The following RBFOX1 variants were observed in gnomAD, a reference collection of about 807,000 sequenced individuals.
RBFOX1 encodes RNA binding protein fox-1 homolog 1.
In RBFOX1, 8 loss-of-function variants were observed where a neutral mutation model predicts 57.7. The ratio of observed to expected loss-of-function variants is 0.14; its 90% CI spans 0.08 to 0.25. The LOEUF is 0.25. RBFOX1 is among the 10% of genes least tolerant of loss of function. The pLI is 1.00. For synonymous variants in RBFOX1, 326 were observed against 222.4 expected (o/e 1.47, Z -4.15); for missense variants, 611 against 548.5 (o/e 1.11, Z -1.14).
chr16:7,169,829 G>A (rs1408720586), intron 4 of RBFOX1, among the ~76,000 whole-genome samples: 1 of 19,072 alleles, frequency 5.2e-5, no homozygotes, highest in African/African-American at 4.6e-4. Context: ...CTGCACTTTG[G>A]CAGGGCCAAA....
intron 3 of RBFOX1, among the ~76,000 whole-genome samples, chr16:6,657,403 C>G (rs919757636): frequency 6.6e-6 from 1 of 152,120 alleles, no homozygotes; most frequent in Non-Finnish European, 1.5e-5. Context: ...CTAATGATCC[C>G]TGAGGGACGG....
At chr16:6,165,208 G>A (rs1435152771) in intron 1 of RBFOX1, among the ~76,000 whole-genome samples, 4 of 152,150 alleles carry the variant, frequency 2.6e-5, no homozygotes, top group African/African-American at 9.7e-5. Context: ...GACGGAACAA[G>A]ATAATGTAAA....
intron 3 of RBFOX1, among the ~76,000 whole-genome samples, chr16:6,657,686 AT>A (rs1222050283): frequency 2.0e-5 from 3 of 152,204 alleles, no homozygotes; most frequent in Non-Finnish European, 4.4e-5. Flanking sequence ...ATAAAGTGGA[AT>A]TGAAGTGACA....
chr16:6,748,120 C>T (rs1313001219), intron 3 of RBFOX1, among the ~76,000 whole-genome samples: 1 of 151,998 alleles, frequency 6.6e-6, no homozygotes, highest in African/African-American at 2.4e-5. Context: ...CTGGTAGGAT[C>T]ATTTTTTTTC....
At chr16:6,803,908 A>G (rs1030316848) in intron 3 of RBFOX1, among the ~76,000 whole-genome samples, 1 of 152,160 alleles carries the variant, frequency 6.6e-6, no homozygotes, top group African/African-American at 2.4e-5. Flanking sequence ...GTAAGCTTTT[A>G]CCATTGTTGT....
intron 4 of RBFOX1, among the ~76,000 whole-genome samples, chr16:7,187,984 G>A (rs1567626431): frequency 6.6e-6 from 1 of 152,212 alleles, no homozygotes; most frequent in Non-Finnish European, 1.5e-5. Context: ...TCTCGAGAAT[G>A]TATCTGACTG....
intron 3 of RBFOX1, among the ~76,000 whole-genome samples, chr16:5,661,814 C>G (rs968145769): frequency 6.6e-6 from 1 of 152,012 alleles, no homozygotes; most frequent in Non-Finnish European, 1.5e-5. Context: ...GAGATGGAGT[C>G]TCACTCTGTT....
intron 1 of RBFOX1, among the ~76,000 whole-genome samples, chr16:6,143,950 C>T (rs2096738148): frequency 7.4e-6 from 1 of 135,052 alleles, no homozygotes; most frequent in Admixed American, 7.5e-5. Flanking sequence ...TGTGCAACAC[C>T]ATACTCAGCT....
At chr16:7,433,034 C>G (rs1277706663) in intron 4 of RBFOX1, among the ~76,000 whole-genome samples, 1 of 152,128 alleles carries the variant, frequency 6.6e-6, no homozygotes, top group Non-Finnish European at 1.5e-5. Flanking sequence ...AAATGCCACG[C>G]AAAATTCCCG....
intron 4 of RBFOX1, among the ~76,000 whole-genome samples, chr16:7,478,529 G>A (rs1206723680): frequency 1.3e-5 from 2 of 152,186 alleles, no homozygotes; most frequent in Non-Finnish European, 2.9e-5. Context: ...TACCATGTCT[G>A]AAGTTCCTTC....
At chr16:5,944,480 T>C (rs2059351046) in intron 4 of RBFOX1, among the ~76,000 whole-genome samples, 1 of 152,114 alleles carries the variant, frequency 6.6e-6, no homozygotes, top group Non-Finnish European at 1.5e-5. Context: ...GGCCTTTAGC[T>C]GCACTTCTCA....
chr16:7,697,543 T>A (rs2079175601), intron 14 of RBFOX1, among the ~76,000 whole-genome samples: 3 of 152,200 alleles, frequency 2.0e-5, no homozygotes, highest in Admixed American at 2.0e-4. Context: ...AATGCATGCA[T>A]ATGTATGATA....
At chr16:7,055,304 T>C (rs929515380) in intron 4 of RBFOX1, among the ~76,000 whole-genome samples, 1 of 152,188 alleles carries the variant, frequency 6.6e-6, no homozygotes, top group Non-Finnish European at 1.5e-5. Context: ...TCAGTTAAGA[T>C]GCTATTATCT....
intron 14 of RBFOX1, among the ~76,000 whole-genome samples, chr16:7,704,986 G>T (rs2081974235): frequency 1.3e-5 from 2 of 150,520 alleles, no homozygotes; most frequent in South Asian, 4.2e-4. Flanking sequence ...AGAGGTTAGA[G>T]TGAGCCGAGA....
chr16:5,960,674 G>A (rs2059729724), intron 4 of RBFOX1, among the ~76,000 whole-genome samples: 1 of 152,098 alleles, frequency 6.6e-6, no homozygotes, highest in Admixed American at 6.6e-5. Context: ...GAAGTGGCCT[G>A]GTTTCCCTGA....
At chr16:5,728,542 G>C (rs1318326073) in intron 3 of RBFOX1, among the ~76,000 whole-genome samples, 1 of 152,150 alleles carries the variant, frequency 6.6e-6, no homozygotes, top group Non-Finnish European at 1.5e-5. Context: ...TCCAGGTAAG[G>C]TCCCTGTGTT....
rs148257428 is a variant in RBFOX1, at chr16:6,455,138, C to A, written c.-64+138081C>A. On this transcript the variant is annotated intron_variant, in intron 2 of 15. Coordinates refer to ENST00000550418, the MANE Select transcript of RBFOX1 (RefSeq NM_018723.4). ...TCAATCTCCTGACCTCAGGATCCACCCGCCCTGGCCTCCCAAAGTGCTGGG... is the reference window on the plus strand; with the variant it reads ...TCAATCTCCTGACCTCAGGATCCACACGCCCTGGCCTCCCAAAGTGCTGGG... Among the ~76,000 whole-genome samples, 710 of 151,888 alleles carry A rather than the reference C, an allele frequency of 4.7e-3. 19 individuals carry two copies. The East Asian group carries it at 0.092, about 20-fold the overall frequency.
In RBFOX1 at chr16:7,653,718, C is replaced by G. The variant is rs539937985; in HGVS notation, c.758-97C>G. On this transcript the variant is annotated intron_variant, in intron 11 of 15. Transcript: ENST00000550418. ...AGCGGGCGGGGGTCCTGCTGGGACC[C>G]TGTGCAGGGACAAGGGTTCCCGGGG... 8 of 1,552,586 alleles carry G rather than the reference C, an allele frequency of 5.2e-6. No homozygotes were observed. In the Admixed American group the frequency reaches 1.1e-4, roughly 21 times the overall value.
rs183288391 is a variant in RBFOX1 at position 5,538,728 on chromosome 16, G to A, written c.259-60174G>A. On this transcript the variant is annotated intron_variant, in intron 2 of 2. Coordinates refer to the RBFOX1 transcript ENST00000585867. The stretch of plus-strand genomic sequence containing the variant: ...GCAACCTTCGCCTTCCCGGATTCAA[G>A]TGATTGTCCTGCCTTAGACTCCCGA... Among the ~76,000 whole-genome samples, 271 of 151,586 alleles carry A rather than the reference G, an allele frequency of 1.8e-3. 4 individuals carry two copies. The highest frequency in any genetic ancestry group is 0.012 in the Admixed American group (186 of 15,182).
Sources: allele counts gnomAD v4.1 joint callset (sites outside exome capture counted in the v4.1 genomes callset), GRCh38; gene constraint gnomAD v4.1.1; transcripts MANE v1.5; gene names NCBI Gene and HGNC (gene_info 2026-07-23, HGNC 2026-07-21).